ST3GAL6: variants seen among roughly 807,000 people sequenced by gnomAD.
ST3GAL6 encodes type 2 lactosamine alpha-2,3-sialyltransferase.
In ST3GAL6, 31 loss-of-function variants were observed where a neutral mutation model predicts 40.5. The observed-to-expected ratio is 0.77, with a 90% confidence interval of 0.58 to 1.03. ST3GAL6 has a LOEUF of 1.03. ST3GAL6 is among the 50% of genes least tolerant of loss of function. The pLI is 0.00. For missense variants in ST3GAL6, 357 were observed against 393.2 expected (o/e 0.91, Z 0.78); for synonymous variants, 129 against 136.9 (o/e 0.94, Z 0.40).
At chr3:98,778,071 C>T (rs1939721093) in intron 5 of ST3GAL6, among the ~76,000 whole-genome samples, 1 of 152,190 alleles carries the variant, frequency 6.6e-6, no homozygotes. Context: ...CACAGACAAG[C>T]TCCCCATCCC....
At chr3:98,770,722 A>C (rs576354336) in intron 2 of ST3GAL6, among the ~76,000 whole-genome samples, 157 bp from the exon 3 acceptor site, 1 of 151,792 alleles carries the variant, frequency 6.6e-6, no homozygotes, top group Admixed American at 6.6e-5. Flanking sequence ...TAGGGCTTGG[A>C]GAAGGTACTG....
chr3:98,732,884 G>A (rs1337837406), intron 1 of ST3GAL6: 1 of 1,511,942 alleles, frequency 6.6e-7, no homozygotes, highest in South Asian at 1.2e-5. Context: ...CGCCGCGAGA[G>A]AGGCAGCAGC....
chr3:98,749,476 A>G (rs947800494), intron 1 of ST3GAL6, among the ~76,000 whole-genome samples: 2 of 152,180 alleles, frequency 1.3e-5, no homozygotes, highest in South Asian at 4.1e-4. Flanking sequence ...GTTCACCCTT[A>G]AGCTAACTCA....
intron 1 of ST3GAL6, among the ~76,000 whole-genome samples, chr3:98,735,107 C>T (rs278373): frequency 0.53 from 80,239 of 151,928 alleles, 21,990 homozygotes; most frequent in African/African-American, 0.67. Context: ...TTGGTGTGTT[C>T]TCATATGCTA....
At chr3:98,791,592 T>A (rs1941211381) in intron 8 of ST3GAL6, among the ~76,000 whole-genome samples, 1 of 152,242 alleles carries the variant, frequency 6.6e-6, no homozygotes, top group African/African-American at 2.4e-5. Flanking sequence ...AGTTGTCCTC[T>A]GGGCTAATAC....
intron 1 of ST3GAL6, among the ~76,000 whole-genome samples, chr3:98,735,913 A>G (rs1935507453): frequency 6.6e-6 from 1 of 152,204 alleles, no homozygotes; most frequent in South Asian, 2.1e-4. Flanking sequence ...TGATGGTGAC[A>G]CCTCAGCACT....
intron 1 of ST3GAL6, among the ~76,000 whole-genome samples, chr3:98,734,119 C>T (rs1430160249): frequency 6.6e-6 from 1 of 152,090 alleles, no homozygotes. Flanking sequence ...TAGGCTAGCC[C>T]GAATGTTTGA....
At chr3:98,750,189 A>G (rs1407538175) in intron 1 of ST3GAL6, among the ~76,000 whole-genome samples, 1 of 152,242 alleles carries the variant, frequency 6.6e-6, no homozygotes, top group Non-Finnish European at 1.5e-5. Flanking sequence ...TCATCAGAGC[A>G]CATTTACTTA....
chr3:98,785,093 T>C (rs1233320927), intron 6 of ST3GAL6, 53 bp downstream of exon 6: 1 of 1,362,192 alleles, frequency 7.3e-7, no homozygotes, highest in African/African-American at 1.4e-5. Context: ...GAATATGGTT[T>C]CTTGCCTTAA....
At chr3:98,783,613 A>T in intron 5 of ST3GAL6, 3 of 985,206 alleles carry the variant, frequency 3.0e-6, no homozygotes, top group Non-Finnish European at 3.6e-6. Flanking sequence ...TAAATGAACA[A>T]ACAGACCCTT....
At chr3:98,792,198 T>C (rs1941265307) in intron 9 of ST3GAL6, among the ~76,000 whole-genome samples, 1 of 152,166 alleles carries the variant, frequency 6.6e-6, no homozygotes, top group South Asian at 2.1e-4. Flanking sequence ...AAATCCCAAT[T>C]TATGGGCCTC....
At chr3:98,779,892 C>T (rs1427008468) in intron 5 of ST3GAL6, among the ~76,000 whole-genome samples, 1 of 152,184 alleles carries the variant, frequency 6.6e-6, no homozygotes, top group Non-Finnish European at 1.5e-5. Flanking sequence ...TTCTAAAATG[C>T]ACAGCCTGTG....
intron 1 of ST3GAL6, chr3:98,732,544 G>A: frequency 3.5e-6 from 1 of 285,334 alleles, no homozygotes; most frequent in East Asian, 6.3e-5. Flanking sequence ...TAGGGGTTCG[G>A]CTGTGCTCCC....
intron 9 of ST3GAL6, among the ~76,000 whole-genome samples, chr3:98,792,331 T>A (rs1362109899): frequency 6.6e-6 from 1 of 152,204 alleles, no homozygotes; most frequent in Non-Finnish European, 1.5e-5. Flanking sequence ...CACCTTGCAT[T>A]GCTGTGCTTA....
rs1940905433 is a variant in ST3GAL6, at chr3:98,788,182, A to G, written c.578A>G (p.Asp193Gly). 3.1e-6 allele frequency: 5 copies of G among 1,612,614 alleles called. No individual in the cohort carries two copies. Among genetic ancestry groups the G allele is most frequent in the Non-Finnish European group, 3.4e-6 (4 of 1,179,240 alleles). Residue 193 changes from aspartate to glycine, a missense_variant, in exon 7 of 10, where the codon GAT (aspartate) becomes GGT (glycine). Coordinates refer to ENST00000483910, the MANE Select transcript of ST3GAL6 (RefSeq NM_001323368.2). The stretch of plus-strand genomic sequence containing the variant: ...ATTCTCACTGCTTTTAAGCCACATG[A>G]TTTAAGGTGGCTGTTGGAATTGTTG... ...TVILTAFKPH[D>G]LRWLLELLMG...
chr3:98,757,792 A>C (rs1372068654), intron 1 of ST3GAL6, among the ~76,000 whole-genome samples: 1 of 152,098 alleles, frequency 6.6e-6, no homozygotes, highest in Non-Finnish European at 1.5e-5. Flanking sequence ...AAAGCATTTA[A>C]AACTGTTCTA....
intron 1 of ST3GAL6, chr3:98,733,577 G>A: frequency 1.0e-6 from 1 of 985,506 alleles, no homozygotes; most frequent in African/African-American, 1.7e-5. Context: ...AGGCAGTTTA[G>A]GAGAAAGGAG....
At chr3:98,768,322 A>G (rs907086577) in intron 1 of ST3GAL6, 108 bp from the exon 2 acceptor site, 3 of 800,592 alleles carry the variant, frequency 3.7e-6, no homozygotes, top group Non-Finnish European at 6.4e-6. Flanking sequence ...TTTTTTCTAT[A>G]GTTCCTTTTG....
intron 1 of ST3GAL6, among the ~76,000 whole-genome samples, chr3:98,748,760 C>A (rs1385655805): frequency 1.3e-5 from 2 of 152,202 alleles, no homozygotes; most frequent in African/African-American, 4.8e-5. Context: ...GCCACCGCGC[C>A]TGGCCTGCGC....
Sources: allele counts gnomAD v4.1 joint callset (sites outside exome capture counted in the v4.1 genomes callset), GRCh38; gene constraint gnomAD v4.1.1; transcripts MANE v1.5; gene names NCBI Gene and HGNC (gene_info 2026-07-23, HGNC 2026-07-21).